CEP250: variants seen among roughly 807,000 people sequenced by gnomAD.
CEP250 encodes the protein centrosome-associated protein CEP250.
In CEP250, 242 loss-of-function variants were observed where a neutral mutation model predicts 315.7. That is an observed-to-expected ratio of 0.77 (90% CI 0.69 to 0.85). CEP250 has a LOEUF of 0.85. Ranked by LOEUF, CEP250 falls within the 40% of genes least tolerant of loss-of-function variation. The pLI is 0.00. For synonymous variants in CEP250, 1,088 were observed against 1,175.0 expected, an observed-to-expected ratio of 0.93 and a Z score of 1.51; for missense variants, 2,515 against 2,886.4, an observed-to-expected ratio of 0.87 and a Z score of 2.95.
In CEP250 at chr20:35,479,239, C is replaced by T; in HGVS notation, c.2103C>T (p.His701=). The change falls in exon 18 of 35, where the codon CAC becomes CAT. Residue 701 remains histidine (H), a synonymous_variant. Coordinates refer to ENST00000397527, the MANE Select transcript of CEP250 (RefSeq NM_007186.6). ...CACATTCTTCCCCTCAGTCACGTCACCAGCAGGAGGCAGCCACGACTCAGC... is the reference window on the plus strand; with the variant it reads ...CACATTCTTCCCCTCAGTCACGTCATCAGCAGGAGGCAGCCACGACTCAGC... ...EIQKKLSESR[H]QQEAATTQLE... is the part of the protein sequence containing the mutation. 1.2e-6 allele frequency: 2 copies of T among 1,613,678 alleles called. No homozygotes were observed. Among genetic ancestry groups the T allele is most frequent in the Non-Finnish European group, 1.7e-6 (2 of 1,179,750 alleles).
chr20:35,478,850 A>G (rs1171618705), intron 17 of CEP250, among the ~76,000 whole-genome samples: 1 of 152,226 alleles, frequency 6.6e-6, no homozygotes, highest in Non-Finnish European at 1.5e-5. Flanking sequence ...CCTGGCTCAA[A>G]GGTCATCTTT....
rs766258913 is a variant in CEP250 at position 35,502,941 on chromosome 20, G to C, written c.4572G>C (p.Leu1524Phe). The C allele has an allele frequency of 1.2e-6, 2 of 1,614,212 alleles. No individual in the cohort carries two copies. The highest frequency in any genetic ancestry group is 2.2e-5 in the South Asian group (2 of 91,082). Residue 1524 changes from leucine (L) to phenylalanine (F), a missense_variant, in exon 30 of 35, where the codon TTG (leucine) becomes TTC (phenylalanine). Coordinates refer to ENST00000397527, the MANE Select transcript of CEP250 (RefSeq NM_007186.6). The stretch of plus-strand genomic sequence containing the variant: ...ATCGGGAGACTCAGAGGAACGTCTT[G>C]GAGCATCAGCTTCTAGAACTTGAGA... ...EKDRETQRNV[L>F]EHQLLELEKK... is the part of the protein sequence containing the mutation.
chr20:35,498,083 C>G lies in CEP250; in HGVS notation c.3655+16C>G. 2 of 1,528,146 alleles carry G rather than the reference C, an allele frequency of 1.3e-6. No homozygotes were observed. The highest frequency in any genetic ancestry group is 1.8e-6 in the Non-Finnish European group (2 of 1,137,772). 94.7% of individuals were successfully genotyped at this position (1,528,146 alleles called of 1,614,324 possible). A position where few individuals can be genotyped will look rare whatever the true frequency, so the allele number is the denominator to read the frequency against. ...CTTGAGCCAGGTGAGACAGCCTCCCCAGAACTAGGTCCTTTGGGCCAAAGC... is the reference window on the plus strand; with the variant it reads ...CTTGAGCCAGGTGAGACAGCCTCCCGAGAACTAGGTCCTTTGGGCCAAAGC... On this transcript the variant is annotated intron_variant, in intron 26 of 34. Transcript: ENST00000397527.
At chr20:35,479,494 C>G in intron 18 of CEP250, 70 bp downstream of exon 18, 1 of 1,556,014 alleles carries the variant, frequency 6.4e-7, no homozygotes, top group South Asian at 1.2e-5. Flanking sequence ...AGCTAAGCTC[C>G]CTGCCATAAG....
chr20:35,465,916 T>A (rs1359935695), intron 6 of CEP250, 91 bp downstream of exon 6: 3 of 1,511,632 alleles, frequency 2.0e-6, no homozygotes, highest in Non-Finnish European at 2.7e-6. Flanking sequence ...TAATGTGGAC[T>A]TCAGCCATAG....
chr20:35,481,480 T>C (rs1568790067), intron 20 of CEP250, among the ~76,000 whole-genome samples: 1 of 152,244 alleles, frequency 6.6e-6, no homozygotes, highest in East Asian at 1.9e-4. Flanking sequence ...TTTTGTTCAG[T>C]GTGTTCAGTT....
In CEP250 at chr20:35,475,812, A is replaced by G. The variant is rs543717857; in HGVS notation, c.1716+166A>G. Among the ~76,000 whole-genome samples, 7 of 152,302 alleles carry G rather than the reference A, an allele frequency of 4.6e-5. No homozygotes were observed. The East Asian group carries it at 1.2e-3, about 25-fold the overall frequency. Reference sequence around the variant, plus strand: ...ACATACCCTCTATATTGGAATTAGAATGGGCTTTCTAAAGTATATACCTGG... The same window carrying G: ...ACATACCCTCTATATTGGAATTAGAGTGGGCTTTCTAAAGTATATACCTGG... On this transcript the variant is annotated intron_variant, in intron 15 of 34. Coordinates refer to ENST00000397527, the MANE Select transcript of CEP250 (RefSeq NM_007186.6).
rs1259964863 is a variant in CEP250, at chr20:35,504,877, A to G, written c.6508A>G (p.Arg2170Gly). Residue 2170 changes from arginine to glycine, a missense_variant, in exon 30 of 35, where the codon AGG becomes GGG. Physicochemically the swap from Arg to Gly is moderately radical, Grantham distance 125. Transcript: ENST00000397527. Reference sequence around the variant, plus strand: ...GACAGAAGCCAGGGAGATTGAGTGGAGGGAGAAGGCCCAGGACTTGGCACT... The same window carrying G: ...GACAGAAGCCAGGGAGATTGAGTGGGGGGAGAAGGCCCAGGACTTGGCACT... ...RQTEAREIEW[R>G]EKAQDLALSL... The G allele has an allele frequency of 1.9e-6, 3 of 1,614,208 alleles. No homozygotes were observed. The highest frequency in any genetic ancestry group is 2.5e-6 in the Non-Finnish European group (3 of 1,180,032).
intron 22 of CEP250, among the ~76,000 whole-genome samples, chr20:35,492,433 C>T (rs2063722878): frequency 6.6e-6 from 1 of 152,078 alleles, no homozygotes; most frequent in African/African-American, 2.4e-5. Context: ...TATCCTAAAA[C>T]CCACTACACA....
Position 35,503,798 on chromosome 20 carries a change from G to C in CEP250, c.5429G>C (p.Arg1810Thr). The change falls in exon 30 of 35, where the codon AGA (arginine) becomes ACA (threonine). Residue 1810 changes from arginine (R) to threonine (T), a missense_variant. Coordinates refer to ENST00000397527, the MANE Select transcript of CEP250 (RefSeq NM_007186.6). The surrounding 1 kb of genome is among the most constrained non-coding windows in gnomAD (Gnocchi z 4.2). ...CAGAGTCAACTGGATGAGGCCCAGA[G>C]AGCCCTAGCCCAGAGGGACCAGGAA... ...SLQSQLDEAQ[R>T]ALAQRDQELE... 1 of 1,613,954 alleles carries C rather than the reference G, an allele frequency of 6.2e-7. No individual in the cohort carries two copies. Among genetic ancestry groups the C allele is most frequent in the Non-Finnish European group, 8.5e-7 (1 of 1,180,018 alleles).
rs754348414 is a variant in CEP250 at position 35,479,433 on chromosome 20, C to T, written c.2288+9C>T. The stretch of plus-strand genomic sequence containing the variant: ...CAACTACAGGGGCTCAGGTAGGGCC[C>T]AGACTCAGTTCAGCCAAGCACAGAG... On this transcript the variant is annotated intron_variant, in intron 18 of 34. Coordinates refer to ENST00000397527, the MANE Select transcript of CEP250 (RefSeq NM_007186.6). The T allele has an allele frequency of 6.2e-7, 1 of 1,609,664 alleles. No individual in the cohort carries two copies. Among genetic ancestry groups the T allele is most frequent in the South Asian group, 1.1e-5 (1 of 90,714 alleles).
rs746427144 is a variant in CEP250 at position 35,473,506 on chromosome 20, G to T, written c.1342G>T (p.Ala448Ser). The change falls in exon 13 of 35, where the codon GCA becomes TCA. Residue 448 changes from alanine (A) to serine (S), a missense_variant. Ala to Ser is a moderately conservative substitution (Grantham distance 99). Transcript: ENST00000397527. Reference protein sequence around the residue: ...QKLTGERDTLAGQTVDLQGEV... With the variant: ...QKLTGERDTLSGQTVDLQGEV... ...GCTCACTGGGGAGCGGGACACTCTG[G>T]CAGGGCAGACTGTGGACCTCCAGGG... 3.1e-6 allele frequency: 5 copies of T among 1,614,108 alleles called. No individual in the cohort carries two copies. The highest frequency in any genetic ancestry group is 1.6e-4 in the Middle Eastern group (1 of 6,062).
At chr20:35,462,639 A>G in intron 4 of CEP250, 86 bp downstream of exon 4, 1 of 1,218,652 alleles carries the variant, frequency 8.2e-7, no homozygotes, top group Non-Finnish European at 1.1e-6. Flanking sequence ...CAGGAGGCAG[A>G]GTCTTGTGGT....
intron 10 of CEP250, among the ~76,000 whole-genome samples, chr20:35,471,143 C>T (rs2063016271): frequency 6.6e-6 from 1 of 151,970 alleles, no homozygotes; most frequent in Admixed American, 6.6e-5. Flanking sequence ...TTCAGAATAT[C>T]CATGGGGCTC....
Position 35,473,860 on chromosome 20 carries a change from C to T in CEP250, c.1389-10C>T. ...ATGGTCTCTGCTCATCTCTGATTCCCTTCTTCCAGGGAGCGAGAGCTGCTG... is the reference window on the plus strand; with the variant it reads ...ATGGTCTCTGCTCATCTCTGATTCCTTTCTTCCAGGGAGCGAGAGCTGCTG... On this transcript the variant is annotated splice_polypyrimidine_tract_variant and intron_variant, in intron 13 of 34. Coordinates refer to ENST00000397527, the MANE Select transcript of CEP250 (RefSeq NM_007186.6). 6.2e-7 allele frequency: 1 copy of T among 1,606,044 alleles called. No homozygotes were observed. The highest frequency in any genetic ancestry group is 8.5e-7 in the Non-Finnish European group (1 of 1,177,370).
chr20:35,459,045 G>T (rs1426890730), intron 2 of CEP250, among the ~76,000 whole-genome samples: 2 of 133,920 alleles, frequency 1.5e-5, no homozygotes, highest in African/African-American at 5.6e-5. Flanking sequence ...TGGCCAGGCT[G>T]GTCTCGAACT....
chr20:35,502,558 A>C lies in CEP250; in HGVS notation c.4189A>C (p.Ser1397Arg). Residue 1397 changes from serine to arginine, a missense_variant, in exon 30 of 35, where the codon AGT becomes CGT. Transcript: ENST00000397527. ...GAAGCTGAAAAATGAGGAAGTAGAG[A>C]GTGAGCGTGAGAGAGCCCAGGCTCT... ...ALKLKNEEVE[S>R]ERERAQALQE... 6.2e-7 allele frequency: 1 copy of C among 1,614,212 alleles called. No homozygotes were observed. The highest frequency in any genetic ancestry group is 1.1e-5 in the South Asian group (1 of 91,088).
chr20:35,475,109 T>C (rs1317020044), intron 14 of CEP250, among the ~76,000 whole-genome samples: 2 of 152,060 alleles, frequency 1.3e-5, no homozygotes, highest in African/African-American at 4.8e-5. Context: ...GATGGGAGGA[T>C]CACATGAGCC....
chr20:35,508,303 T>G (rs1601320898), intron 32 of CEP250, 113 bp downstream of exon 32: 1 of 1,198,624 alleles, frequency 8.3e-7, no homozygotes, highest in Admixed American at 2.2e-5. Flanking sequence ...TGCCTGTTTC[T>G]GAAAATTAAG....
Sources: gnomAD v4.1 joint callset for allele counts (sites outside exome capture counted in the v4.1 genomes callset) on GRCh38, gnomAD v4.1.1 for gene constraint, Gnocchi (gnomAD v3.1) non-coding constraint, MANE v1.5 for transcripts, NCBI Gene and HGNC (gene_info 2026-07-23, HGNC 2026-07-21) for gene names.